The following PMS1 variants were observed in gnomAD, a reference collection of about 807,000 sequenced individuals.
The protein encoded by PMS1 is PMS1 protein homolog 1.
Under a neutral mutation model 93.1 loss-of-function variants are expected in PMS1, and 79 were observed. The observed-to-expected ratio is 0.85, with a 90% CI of 0.71 to 1.02. The LOEUF (loss-of-function observed/expected upper bound fraction) is 1.02, where lower values mean the gene tolerates loss of function less well. PMS1 is among the 50% of genes least tolerant of loss of function. The pLI is 0.00. For synonymous variants in PMS1, 335 were observed against 363.4 expected, an observed-to-expected ratio of 0.92 and a Z score of 0.89; for missense variants, 1,064 against 1,085.3, an observed-to-expected ratio of 0.98 and a Z score of 0.28.
intron 4 of PMS1, among the ~76,000 whole-genome samples, chr2:189,809,518 C>G (rs1338268445): frequency 1.6e-5 from 2 of 125,302 alleles, no homozygotes; most frequent in African/African-American, 3.1e-5. Flanking sequence ...AAGACTTTTC[C>G]ATAAGTATGT....
chr2:189,818,396 G>T (rs1186205183), intron 5 of PMS1, among the ~76,000 whole-genome samples: 1 of 152,132 alleles, frequency 6.6e-6, no homozygotes, highest in Admixed American at 6.5e-5. Flanking sequence ...TCAGAGGGCT[G>T]CCTTCCTTCT....
intron 3 of PMS1, among the ~76,000 whole-genome samples, chr2:189,804,540 C>T (rs993945522): frequency 1.3e-5 from 2 of 152,160 alleles, no homozygotes; most frequent in East Asian, 3.9e-4. Context: ...AATCTAACGT[C>T]CTCTGCTGGT....
chr2:189,827,914 TTTTGTTTG>T (rs57432899), intron 5 of PMS1, among the ~76,000 whole-genome samples: 190 of 150,142 alleles, frequency 1.3e-3, no homozygotes, highest in Middle Eastern at 3.4e-3. Context: ...AAAAATAAGG[TTTTGTTTG>T]TTTGTTTGTT....
intron 11 of PMS1, among the ~76,000 whole-genome samples, chr2:189,871,953 A>G (rs1315499527): frequency 6.6e-6 from 1 of 152,184 alleles, no homozygotes; most frequent in Non-Finnish European, 1.5e-5. Context: ...GGAGCAAGAG[A>G]GAGATGCCAG....
chr2:189,853,093 C>G lies in PMS1; in HGVS notation c.822+316C>G, dbSNP rs566485372. On this transcript the variant is annotated intron_variant, in intron 7 of 12. Transcript: ENST00000441310. ...TTGAGATGGAGTTTCGCTCTCCAGG[C>G]TGGATTGCAATGGCGTGTCCCGTGA... Among the ~76,000 whole-genome samples the G allele has an allele frequency of 3.3e-5, 5 of 152,150 alleles. No homozygotes were observed. The South Asian group carries it at 1.0e-3, about 32-fold the overall frequency.
At chr2:189,816,609 A>G (rs961119264) in intron 4 of PMS1, among the ~76,000 whole-genome samples, 3 of 152,182 alleles carry the variant, frequency 2.0e-5, no homozygotes, top group Non-Finnish European at 4.4e-5. Context: ...TTATTTAATT[A>G]CATCTCCATT....
intron 6 of PMS1, among the ~76,000 whole-genome samples, chr2:189,849,917 T>A (rs1172261855): frequency 6.6e-6 from 1 of 151,518 alleles, no homozygotes; most frequent in Non-Finnish European, 1.5e-5. Flanking sequence ...GCCCCCTTTT[T>A]TAAATGGAAA....
chr2:189,858,969 C>T (rs998133912), intron 9 of PMS1, among the ~76,000 whole-genome samples: 1 of 152,046 alleles, frequency 6.6e-6, no homozygotes, highest in African/African-American at 2.4e-5. Context: ...ACTGTTCTCT[C>T]AATAATATTT....
intron 4 of PMS1, among the ~76,000 whole-genome samples, chr2:189,808,867 A>C (rs563749185): frequency 6.6e-6 from 1 of 152,194 alleles, no homozygotes; most frequent in African/African-American, 2.4e-5. Flanking sequence ...TACCAAGAAC[A>C]TGGAGTAAAT....
intron 4 of PMS1, among the ~76,000 whole-genome samples, chr2:189,808,841 A>G (rs1350875894): frequency 6.6e-6 from 1 of 152,200 alleles, no homozygotes; most frequent in Non-Finnish European, 1.5e-5. Flanking sequence ...ATACATCTCT[A>G]TCTTTTAAAT....
chr2:189,793,650 T>C (rs1184545151), intron 2 of PMS1, among the ~76,000 whole-genome samples: 1 of 152,170 alleles, frequency 6.6e-6, no homozygotes, highest in East Asian at 1.9e-4. Flanking sequence ...TTCTTAAACA[T>C]TTCTGGAAGA....
intron 6 of PMS1, among the ~76,000 whole-genome samples, chr2:189,844,835 C>A (rs191756649): frequency 9.2e-5 from 14 of 151,580 alleles, no homozygotes; most frequent in African/African-American, 3.1e-4. Context: ...TATTTTCAAG[C>A]TTAATTATAT....
chr2:189,860,850 A>AGGC lies in PMS1; in HGVS notation c.1857-2893_1857-2892insGGC, dbSNP rs2055907905. On this transcript the variant is annotated intron_variant, in intron 9 of 12. Transcript: ENST00000441310. Reference sequence around the variant, plus strand: ...TTTTTTTTTTTTTTTGAGGAGGAGGATCTCTAGTTCTGTCAGTTACTGAGG... The same window carrying AGGC: ...TTTTTTTTTTTTTTTGAGGAGGAGGAGGCTCTCTAGTTCTGTCAGTTACTGAGG... 4.3e-5 allele frequency among the ~76,000 whole-genome samples: 3 copies of AGGC among 69,308 alleles called. No homozygotes were observed. In the South Asian group the frequency reaches 1.7e-3, roughly 39 times the overall value. 45.5% of individuals were successfully genotyped at this position (69,308 alleles called of 152,430 possible).
At chr2:189,792,626 A>T (rs1455769772) in intron 2 of PMS1, among the ~76,000 whole-genome samples, 1 of 148,572 alleles carries the variant, frequency 6.7e-6, no homozygotes, top group Admixed American at 6.8e-5. Flanking sequence ...AAAGGGACCT[A>T]ACTTTTTCTT....
intron 10 of PMS1, 27 bp downstream of exon 10, chr2:189,864,255 G>A (rs1295791269): frequency 1.4e-6 from 2 of 1,471,564 alleles, no homozygotes; most frequent in South Asian, 1.1e-5. Flanking sequence ...CTTTTTAAGA[G>A]TAAAAATATT....
intron 5 of PMS1, among the ~76,000 whole-genome samples, chr2:189,826,818 A>G (rs901944363): frequency 6.6e-6 from 1 of 152,190 alleles, no homozygotes; most frequent in African/African-American, 2.4e-5. Flanking sequence ...TAGTGAGTGC[A>G]TAGTACAGGA....
intron 5 of PMS1, among the ~76,000 whole-genome samples, chr2:189,829,959 G>A (rs1239369764): frequency 6.6e-6 from 1 of 152,112 alleles, no homozygotes; most frequent in Non-Finnish European, 1.5e-5. Context: ...TGTATTTTCA[G>A]CTCAGTGATT....
chr2:189,792,989 T>C (rs1575028352), intron 2 of PMS1, among the ~76,000 whole-genome samples: 1 of 152,038 alleles, frequency 6.6e-6, no homozygotes, highest in African/African-American at 2.4e-5. Context: ...TTTGTATTTT[T>C]AGTAGAGATG....
intron 5 of PMS1, among the ~76,000 whole-genome samples, chr2:189,835,902 G>T (rs2053338919): frequency 9.3e-6 from 1 of 107,756 alleles, no homozygotes; most frequent in Non-Finnish European, 1.7e-5. Context: ...ACTCTAGCCT[G>T]TCTCAAAAAA....
Sources: allele counts gnomAD v4.1 joint callset (sites outside exome capture counted in the v4.1 genomes callset), GRCh38; gene constraint gnomAD v4.1.1; transcripts MANE v1.5; gene names NCBI Gene and HGNC (gene_info 2026-07-23, HGNC 2026-07-21).